Variants in ETNK1 observed in about 807,000 individuals in gnomAD.
The protein encoded by ETNK1 is ethanolamine kinase 1.
ETNK1 carries 8 observed loss-of-function variants against 45.1 expected under a neutral mutation model. That is an observed-to-expected ratio of 0.18 (90% CI 0.10 to 0.32). The LOEUF (loss-of-function observed/expected upper bound fraction) is 0.32. Ranked by LOEUF, ETNK1 falls within the 10% of genes least tolerant of loss-of-function variation. The probability of loss-of-function intolerance (pLI) is 1.00; values close to 1 mark genes in which losing one functional copy is unlikely to be tolerated. For synonymous variants in ETNK1, 152 were observed against 151.9 expected (o/e 1.00, Z -0.01); for missense variants, 302 against 430.6 (o/e 0.70, Z 2.64).
At chr12:22,653,911 G>A (rs1231029712) in intron 2 of ETNK1, among the ~76,000 whole-genome samples, 4 of 152,164 alleles carry the variant, frequency 2.6e-5, no homozygotes, top group Non-Finnish European at 4.4e-5. Flanking sequence ...CAATTGAAGT[G>A]TACTTATTTC....
At chr12:22,634,081 G>A (rs1230148784) in intron 1 of ETNK1, among the ~76,000 whole-genome samples, 1 of 151,956 alleles carries the variant, frequency 6.6e-6, no homozygotes, top group African/African-American at 2.4e-5. Flanking sequence ...ATATGCTATA[G>A]ATTTTCTTTA....
chr12:22,644,063 G>A (rs1287026518), intron 2 of ETNK1, 41 bp downstream of exon 2: 1 of 1,534,574 alleles, frequency 6.5e-7, no homozygotes, highest in Non-Finnish European at 8.8e-7. Flanking sequence ...GAAAAATAGG[G>A]CATTTAAGTG....
At chr12:22,675,035 T>C (rs1954146644) in intron 6 of ETNK1, among the ~76,000 whole-genome samples, 1 of 152,210 alleles carries the variant, frequency 6.6e-6, no homozygotes, top group African/African-American at 2.4e-5. Context: ...AAGTTAACAC[T>C]CATTTCTTTT....
At chr12:22,625,783 GAT>G in intron 1 of ETNK1, 197 bp downstream of exon 1, 1 of 818,740 alleles carries the variant, frequency 1.2e-6, no homozygotes, top group Non-Finnish European at 2.0e-6. Flanking sequence ...TGCTCTTTGA[GAT>G]TGACCTGAGG....
At chr12:22,664,215 C>T (rs920451979) in intron 4 of ETNK1, among the ~76,000 whole-genome samples, 14 of 151,716 alleles carry the variant, frequency 9.2e-5, no homozygotes, top group Non-Finnish European at 2.9e-5. Flanking sequence ...ATGTAATATG[C>T]AAACTAGTTA....
At chr12:22,671,614 G>A (rs551307172) in intron 5 of ETNK1, among the ~76,000 whole-genome samples, 78 of 151,978 alleles carry the variant, frequency 5.1e-4, no homozygotes, top group Non-Finnish European at 9.3e-4. Flanking sequence ...CGAGGTGGGC[G>A]GATCACGAGG....
intron 6 of ETNK1, among the ~76,000 whole-genome samples, chr12:22,676,443 A>AAG (rs1349382990): frequency 6.6e-6 from 1 of 151,888 alleles, no homozygotes; most frequent in East Asian, 1.9e-4. Flanking sequence ...GGTCTTTGCT[A>AAG]TTGTGAATAG....
At chr12:22,681,927 T>C (rs1954218918) in intron 6 of ETNK1, among the ~76,000 whole-genome samples, 1 of 152,166 alleles carries the variant, frequency 6.6e-6, no homozygotes, top group East Asian at 1.9e-4. Context: ...TTTTTGATAC[T>C]AGACCAAAGC....
intron 1 of ETNK1, among the ~76,000 whole-genome samples, chr12:22,628,695 C>T (rs981107426): frequency 1.3e-5 from 2 of 151,964 alleles, no homozygotes; most frequent in Non-Finnish European, 2.9e-5. Flanking sequence ...GTCTCAGGGT[C>T]TTTCTGTTTG....
intron 6 of ETNK1, 77 bp from the exon 7 acceptor site, chr12:22,684,406 A>C (rs977095340): frequency 3.1e-6 from 3 of 979,072 alleles, no homozygotes; most frequent in Admixed American, 4.0e-5. Flanking sequence ...GATTTAGAGG[A>C]TAGAATTAGC....
At chr12:22,628,984 A>T (rs138274093) in intron 1 of ETNK1, among the ~76,000 whole-genome samples, 3 of 152,080 alleles carry the variant, frequency 2.0e-5, no homozygotes, top group African/African-American at 7.2e-5. Context: ...TCCAGATTCT[A>T]TACTTTACTA....
chr12:22,626,016 C>G (rs1285613202), intron 1 of ETNK1: 1 of 383,266 alleles, frequency 2.6e-6, no homozygotes, highest in Non-Finnish European at 5.1e-6. Context: ...CCTCCCCCTG[C>G]GATGTGCTTT....
intron 6 of ETNK1, among the ~76,000 whole-genome samples, chr12:22,681,675 C>G (rs538041225): frequency 6.6e-6 from 1 of 151,836 alleles, no homozygotes; most frequent in South Asian, 2.1e-4. Context: ...AACGCAAATG[C>G]CATAAATAGA....
At chr12:22,640,649 T>C (rs1202425312) in intron 1 of ETNK1, among the ~76,000 whole-genome samples, 2 of 152,152 alleles carry the variant, frequency 1.3e-5, no homozygotes, top group African/African-American at 2.4e-5. Context: ...CTAAGTACTT[T>C]TATGTGTATC....
In ETNK1 at chr12:22,689,445, C is replaced by G. The variant is rs1028368331; in HGVS notation, c.*4491C>G. On this transcript the variant is annotated 3_prime_UTR_variant, in exon 8 of 8. Transcript: ENST00000266517. ...TTTCTAGTTAACAAAAAATCGCTTT[C>G]TAAAATACTCTTAATCCCATTGTTT... 2 of 151,910 alleles carry G rather than the reference C, an allele frequency of 1.3e-5. No individual in the cohort carries two copies. Among genetic ancestry groups the G allele is most frequent in the African/African-American group, 4.8e-5 (2 of 41,434 alleles). 9.4% of individuals were successfully genotyped at this position (151,910 alleles called of 1,614,324 possible).
At position 22,687,270 on chromosome 12, in the gene ETNK1, A is replaced by T. The variant is rs996081331; in HGVS notation, c.*2316A>T. Reference sequence around the variant, plus strand: ...GGATTCAGAATTGCTTCCCTTTTATATCGACCATGTAAGGGATTCTAAAGG... The same window carrying T: ...GGATTCAGAATTGCTTCCCTTTTATTTCGACCATGTAAGGGATTCTAAAGG... On this transcript the variant is annotated 3_prime_UTR_variant, in exon 8 of 8. Transcript: ENST00000266517. 14 of 152,332 alleles carry T rather than the reference A, an allele frequency of 9.2e-5. No homozygotes were observed. In the East Asian group the frequency reaches 2.7e-3, roughly 29 times the overall value. 9.4% of individuals were successfully genotyped at this position (152,332 alleles called of 1,614,324 possible). A position where few individuals can be genotyped will look rare whatever the true frequency, so the allele number is the denominator to read the frequency against.
chr12:22,656,746 G>A (rs1389344749), intron 2 of ETNK1: 1 of 982,368 alleles, frequency 1.0e-6, no homozygotes, highest in Admixed American at 6.2e-5. Context: ...AAACCCTGGG[G>A]TAAAACTATT....
At position 22,680,202 on chromosome 12, in the gene ETNK1, G is replaced by A. The variant is rs144508772; in HGVS notation, c.946-4281G>A. Among the ~76,000 whole-genome samples the A allele has an allele frequency of 6.5e-3, 990 of 152,094 alleles. 11 individuals carry two copies. Among genetic ancestry groups the A allele is most frequent in the African/African-American group, 0.023 (945 of 41,474 alleles). ...GGTTCCTAAAATGTTCTTGATTTCA[G>A]CACCTTCTCCTTTTATTTTTTACCT... On this transcript the variant is annotated intron_variant, in intron 6 of 7. Transcript: ENST00000266517.
intron 4 of ETNK1, among the ~76,000 whole-genome samples, chr12:22,669,297 C>A (rs923626210): frequency 1.3e-5 from 2 of 151,178 alleles, no homozygotes; most frequent in Admixed American, 6.6e-5. Context: ...TAATTTATTT[C>A]TATTACTTAT....
Sources: allele counts gnomAD v4.1 joint callset (sites outside exome capture counted in the v4.1 genomes callset), GRCh38; gene constraint gnomAD v4.1.1; transcripts MANE v1.5; gene names NCBI Gene and HGNC (gene_info 2026-07-23, HGNC 2026-07-21).